ITGB5: variants seen among roughly 807,000 people sequenced by gnomAD.
ITGB5 encodes integrin beta-5.
A neutral mutation model predicts 84.8 loss-of-function variants in ITGB5; 38 were observed. That is an observed-to-expected ratio of 0.45 (90% CI 0.35 to 0.59). ITGB5 has a LOEUF of 0.59. Ranked by LOEUF, ITGB5 falls within the 20% of genes least tolerant of loss-of-function variation. The pLI is 0.01. For missense variants in ITGB5, 905 were observed against 1,034.5 expected, an observed-to-expected ratio of 0.87 and a Z score of 1.72; for synonymous variants, 393 against 414.4, an observed-to-expected ratio of 0.95 and a Z score of 0.63.
chr3:124,773,933 C>A (rs368846224), intron 10 of ITGB5, 21 bp from the exon 11 acceptor site: 1 of 1,606,082 alleles, frequency 6.2e-7, no homozygotes. Flanking sequence ...ACATGTGGCA[C>A]ATCAGCACCT....
chr3:124,828,361 G>C (rs1028401495), intron 5 of ITGB5, among the ~76,000 whole-genome samples: 1 of 152,148 alleles, frequency 6.6e-6, no homozygotes, highest in Non-Finnish European at 1.5e-5. Context: ...GGAATGAATG[G>C]ATACACTAAC....
At chr3:124,823,267 A>C (rs1381423559) in intron 5 of ITGB5, among the ~76,000 whole-genome samples, 1 of 152,126 alleles carries the variant, frequency 6.6e-6, no homozygotes, top group East Asian at 1.9e-4. Flanking sequence ...TGTCTGTAAA[A>C]AAATAAATAA....
chr3:124,797,929 C>T (rs563336596), intron 9 of ITGB5, among the ~76,000 whole-genome samples: 2 of 152,224 alleles, frequency 1.3e-5, no homozygotes, highest in East Asian at 3.9e-4. Flanking sequence ...AACAGACTCA[C>T]TGGATCTGGG....
At chr3:124,814,282 C>G (rs1243220211) in intron 8 of ITGB5, among the ~76,000 whole-genome samples, 1 of 151,776 alleles carries the variant, frequency 6.6e-6, no homozygotes, top group Admixed American at 6.6e-5. Context: ...TTTTAAATTT[C>G]ACCTGAAGGG....
At chr3:124,895,648 G>C (rs1465321720) in intron 1 of ITGB5, among the ~76,000 whole-genome samples, 1 of 152,154 alleles carries the variant, frequency 6.6e-6, no homozygotes, top group Non-Finnish European at 1.5e-5. Flanking sequence ...TCATGTTTGG[G>C]GCTGGGGTGG....
chr3:124,773,558 C>T, intron 11 of ITGB5, 132 bp downstream of exon 11: 1 of 731,204 alleles, frequency 1.4e-6, no homozygotes, highest in Non-Finnish European at 2.3e-6. Context: ...AATGCGGCTC[C>T]CCAGCGAGGC....
intron 3 of ITGB5, among the ~76,000 whole-genome samples, chr3:124,855,039 G>A (rs1211210980): frequency 6.6e-6 from 1 of 152,150 alleles, no homozygotes; most frequent in African/African-American, 2.4e-5. Flanking sequence ...GAGGCCCAGC[G>A]CAGTGGCTCA....
At chr3:124,884,836 C>CA (rs1207708189) in intron 1 of ITGB5, among the ~76,000 whole-genome samples, 1 of 152,168 alleles carries the variant, frequency 6.6e-6, no homozygotes, top group Non-Finnish European at 1.5e-5. Context: ...GTCCCTGGTC[C>CA]ACCACTCCTG....
In ITGB5 at chr3:124,821,344, T is replaced by A. The variant is rs764286659; in HGVS notation, c.911A>T (p.Glu304Val). The A allele has an allele frequency of 6.2e-7, 1 of 1,614,126 alleles. No individual in the cohort carries two copies. The highest frequency in any genetic ancestry group is 1.7e-5 in the Admixed American group (1 of 60,018). The part of the protein sequence containing the change: ...QPHDGQCHLN[E>V]ANEYTASNQM... The stretch of plus-strand genomic sequence containing the variant: ...GTTGGATGCAGTGTACTCGTTGGCC[T>A]CGTTCAGGTGGCACTGGCCATCGTG... The change falls in exon 6 of 15, where the codon GAG becomes GTG. Residue 304 changes from glutamate to valine, a missense_variant. Physicochemically the swap from Glu to Val is moderately radical, Grantham distance 121. This residue lies in a region of ITGB5 where 656 missense variants were observed against 734.7 expected (regional missense o/e 0.89). Coordinates refer to ENST00000296181, the MANE Select transcript of ITGB5 (RefSeq NM_002213.5).
At chr3:124,862,189 TTC>T (rs2065313176) in intron 2 of ITGB5, 1 of 152,230 alleles carries the variant, frequency 6.6e-6, no homozygotes, top group African/African-American at 2.4e-5. Context: ...CTTGGCCCAG[TTC>T]TGTTTGTCAA....
chr3:124,827,146 GAA>G (rs2064794721), intron 5 of ITGB5, among the ~76,000 whole-genome samples: 1 of 152,136 alleles, frequency 6.6e-6, no homozygotes, highest in Non-Finnish European at 1.5e-5. Flanking sequence ...ACTACAAATG[GAA>G]TATAGCATGA....
intron 2 of ITGB5, among the ~76,000 whole-genome samples, chr3:124,860,115 G>T (rs2065275828): frequency 6.6e-6 from 1 of 152,160 alleles, no homozygotes; most frequent in Admixed American, 6.5e-5. Context: ...CTGACCCAGT[G>T]CTCTACTCCA....
chr3:124,826,279 C>T (rs893890988), intron 5 of ITGB5, among the ~76,000 whole-genome samples: 32 of 152,278 alleles, frequency 2.1e-4, no homozygotes, highest in African/African-American at 6.3e-4. Flanking sequence ...AGTTCCTCCA[C>T]GCCAGCTTCT....
intron 3 of ITGB5, chr3:124,857,155 G>A (rs1424444153): frequency 6.6e-6 from 1 of 152,160 alleles, no homozygotes; most frequent in African/African-American, 2.4e-5. Context: ...ATGACTTGGA[G>A]CTTTCTTTAA....
rs765479567 is a variant in ITGB5, at chr3:124,796,847, G to A, written c.1264-30C>T. The A allele has an allele frequency of 1.9e-6, 3 of 1,560,668 alleles. No individual in the cohort carries two copies. The South Asian group carries it at 3.7e-5, about 19-fold the overall frequency. ...GCAGAAGGAAGAGAAGGGATATCAT[G>A]GCTGCGGCAAGCCAGGGTCTCCCAT... On this transcript the variant is annotated intron_variant, in intron 9 of 14. Coordinates refer to ENST00000296181, the MANE Select transcript of ITGB5 (RefSeq NM_002213.5).
intron 2 of ITGB5, among the ~76,000 whole-genome samples, chr3:124,871,804 T>A (rs924056592): frequency 6.6e-6 from 1 of 151,218 alleles, no homozygotes; most frequent in African/African-American, 2.4e-5. Flanking sequence ...CCAGCCTGGG[T>A]GACAGAGCAA....
In ITGB5 at chr3:124,764,566, A is replaced by T; in HGVS notation, c.2138-9T>A. ...GGGGGTGTTTCCACACTCTGGGGGG[A>T]CCAGAAGCATGGTAAGCAAAGCCAC... On this transcript the variant is annotated splice_polypyrimidine_tract_variant and intron_variant, in intron 13 of 14. Transcript: ENST00000296181. 1 of 1,595,918 alleles carries T rather than the reference A, an allele frequency of 6.3e-7. No homozygotes were observed. Among genetic ancestry groups the T allele is most frequent in the East Asian group, 2.3e-5 (1 of 44,382 alleles).
chr3:124,764,422 T>C lies in ITGB5; in HGVS notation c.2273A>G (p.Gln758Arg), dbSNP rs1187752650. ...ATAGCGGGCCCTGGATCGCTCGCTCTGAAACTTTGCAAACTCCCTCCGGTC... is the reference window on the plus strand; with the variant it reads ...ATAGCGGGCCCTGGATCGCTCGCTCCGAAACTTTGCAAACTCCCTCCGGTC... Reference protein sequence around the residue: ...IHDRREFAKFQSERSRARYEM... With the variant: ...IHDRREFAKFRSERSRARYEM... Residue 758 changes from glutamine (Q) to arginine (R), a missense_variant, in exon 14 of 15, where the codon CAG becomes CGG. By Grantham distance (43) the Gln-to-Arg change is conservative. Around this residue, in one of 3 missense-constraint regions of ITGB5, gnomAD observed 133 missense variants for 122.8 expected, o/e 1.08. Transcript: ENST00000296181. 1.9e-6 allele frequency: 3 copies of C among 1,613,518 alleles called. No homozygotes were observed. In the East Asian group the frequency reaches 6.7e-5, roughly 36 times the overall value.
intron 1 of ITGB5, 83 bp from the exon 2 acceptor site, chr3:124,873,614 C>A: frequency 9.7e-7 from 1 of 1,030,042 alleles, no homozygotes; most frequent in Non-Finnish European, 1.5e-6. Flanking sequence ...GGAATTACAT[C>A]CTTCTTTAAC....
Sources: gnomAD v4.1 joint callset for allele counts (sites outside exome capture counted in the v4.1 genomes callset) on GRCh38, gnomAD v4.1.1 for gene constraint, gnomAD v4.1.1 regional missense constraint, MANE v1.5 for transcripts, NCBI Gene and HGNC (gene_info 2026-07-23, HGNC 2026-07-21) for gene names.